DMD: variants seen among roughly 807,000 people sequenced by gnomAD.
The protein encoded by DMD is dystrophin.
A neutral mutation model predicts 330.1 loss-of-function variants in DMD; 63 were observed. The observed-to-expected ratio is 0.19, with a 90% CI of 0.16 to 0.24. DMD has a LOEUF of 0.24. Among genes scored for constraint, DMD ranks in the 10% least tolerant of loss-of-function variants. The pLI is 1.00. For synonymous variants in DMD, 1,223 were observed against 959.8 expected, an observed-to-expected ratio of 1.27 and a Z score of -5.07; for missense variants, 3,344 against 2,684.1, an observed-to-expected ratio of 1.25 and a Z score of -5.43.
chrX:32,286,439 CT>C (rs2097441697), intron 43 of DMD, among the ~76,000 whole-genome samples: 1 of 111,798 alleles, frequency 8.9e-6, no homozygotes, highest in Non-Finnish European at 1.9e-5. Flanking sequence ...GTACAAAACA[CT>C]TGGGCATCTG....
chrX:32,404,871 A>G (rs1418134070), intron 30 of DMD, among the ~76,000 whole-genome samples: 1 of 111,579 alleles, frequency 9.0e-6, no homozygotes, highest in Non-Finnish European at 1.9e-5. Flanking sequence ...TCAGCCTCAA[A>G]CATCTATATT....
At chrX:32,860,758 C>G (rs773224602) in intron 2 of DMD, among the ~76,000 whole-genome samples, 4 of 110,698 alleles carry the variant, frequency 3.6e-5, no homozygotes, top group Non-Finnish European at 7.6e-5. Flanking sequence ...AGAATATGAT[C>G]AACACCCTAG....
intron 60 of DMD, among the ~76,000 whole-genome samples, chrX:31,392,353 T>C (rs1475081285): frequency 2.7e-5 from 3 of 112,824 alleles, no homozygotes; most frequent in Non-Finnish European, 5.6e-5. Flanking sequence ...GGGTATATCT[T>C]TCTCTTAAAT....
intron 63 of DMD, among the ~76,000 whole-genome samples, chrX:31,248,702 T>C (rs887253971): frequency 1.8e-5 from 2 of 111,940 alleles, no homozygotes; most frequent in African/African-American, 3.3e-5. Flanking sequence ...CCCTTACCAA[T>C]TGGCTTCCAA....
At chrX:32,831,596 G>A (rs2079149950) in intron 4 of DMD, among the ~76,000 whole-genome samples, 1 of 109,379 alleles carries the variant, frequency 9.1e-6, no homozygotes, top group African/African-American at 3.3e-5. Context: ...GAAGGAGAGA[G>A]AGAAGGGAAA....
rs561311030 is a variant in DMD, at chrX:31,158,478, A to G, written c.10554-10960T>C. Among the ~76,000 whole-genome samples the G allele has an allele frequency of 2.7e-5, 3 of 111,604 alleles. No homozygotes were observed. The South Asian group carries it at 1.1e-3, about 42-fold the overall frequency. ...GTAGTTGCAGGAGAAACGAGGAGTG[A>G]CTTGAAAATGGGGATGGGATTTCTT... On this transcript the variant is annotated intron_variant, in intron 74 of 78. Coordinates refer to ENST00000357033, the MANE Select transcript of DMD (RefSeq NM_004006.3).
chrX:31,693,651 T>C (rs1938815285), intron 52 of DMD, among the ~76,000 whole-genome samples: 1 of 111,214 alleles, frequency 9.0e-6, no homozygotes, highest in Non-Finnish European at 1.9e-5. Flanking sequence ...ACAAACTGTC[T>C]AAAATAGAAA....
chrX:32,540,478 G>T (rs1202948227), intron 17 of DMD, among the ~76,000 whole-genome samples: 1 of 111,399 alleles, frequency 9.0e-6, no homozygotes, highest in African/African-American at 3.3e-5. Flanking sequence ...GGGTAAAATT[G>T]GAATTATTAA....
At chrX:31,921,036 T>C (rs2094683291) in intron 47 of DMD, among the ~76,000 whole-genome samples, 1 of 111,851 alleles carries the variant, frequency 8.9e-6, no homozygotes, top group South Asian at 3.7e-4. Context: ...ATTATCTAGC[T>C]TCAGTGTAAC....
intron 4 of DMD, among the ~76,000 whole-genome samples, chrX:32,835,406 G>T (rs769320876): frequency 8.9e-6 from 1 of 112,466 alleles, no homozygotes; most frequent in African/African-American, 3.2e-5. Context: ...CATTTCTCAG[G>T]ATTTTGTATT....
chrX:32,686,375 T>C (rs1249130904), intron 9 of DMD, among the ~76,000 whole-genome samples: 1 of 109,021 alleles, frequency 9.2e-6, no homozygotes, highest in Admixed American at 9.9e-5. Context: ...CTGGCCAAAA[T>C]GGGGAAACCT....
intron 76 of DMD, among the ~76,000 whole-genome samples, chrX:31,145,685 C>G (rs1289012835): frequency 4.7e-5 from 4 of 85,435 alleles, no homozygotes; most frequent in Non-Finnish European, 8.2e-5. Context: ...TTTTTTGAGA[C>G]ACAGTCTTGC....
chrX:32,781,446 A>G (rs976247689), intron 7 of DMD, among the ~76,000 whole-genome samples: 1 of 112,304 alleles, frequency 8.9e-6, no homozygotes, highest in African/African-American at 3.2e-5. Context: ...AAAATCAACG[A>G]AACATTTGAA....
intron 41 of DMD, among the ~76,000 whole-genome samples, chrX:32,316,348 A>G (rs988437270): frequency 8.9e-6 from 1 of 112,239 alleles, no homozygotes; most frequent in Non-Finnish European, 1.9e-5. Context: ...ATAAAGATAA[A>G]TTAGAATACC....
At chrX:32,795,333 T>G (rs2076105883) in intron 7 of DMD, among the ~76,000 whole-genome samples, 1 of 112,133 alleles carries the variant, frequency 8.9e-6, no homozygotes, top group South Asian at 3.7e-4. Context: ...ACATACAACT[T>G]GTTTTTGACA....
chrX:32,395,312 C>T (rs1330737088), intron 30 of DMD, among the ~76,000 whole-genome samples: 1 of 111,263 alleles, frequency 9.0e-6, no homozygotes, highest in Non-Finnish European at 1.9e-5. Flanking sequence ...TGCCCCTATA[C>T]TTACAGAAGC....
intron 44 of DMD, among the ~76,000 whole-genome samples, chrX:32,006,769 G>C (rs1267075498): frequency 9.1e-6 from 1 of 109,920 alleles, no homozygotes; most frequent in Non-Finnish European, 1.9e-5. Context: ...CCAAAGACTG[G>C]TGTCCTTTTG....
At chrX:33,058,740 C>A (rs1178448493) in intron 1 of DMD, among the ~76,000 whole-genome samples, 1 of 111,340 alleles carries the variant, frequency 9.0e-6, no homozygotes, top group Non-Finnish European at 1.9e-5. Context: ...GCTGAGGCAC[C>A]AATTCTCCCC....
At chrX:32,690,358 C>T (rs113593507) in intron 9 of DMD, among the ~76,000 whole-genome samples, 4,483 of 110,970 alleles carry the variant, frequency 0.04, 220 homozygotes, top group African/African-American at 0.14. Flanking sequence ...TTAAAGATGA[C>T]AAAATCAAAT....
Sources: allele counts gnomAD v4.1 joint callset (sites outside exome capture counted in the v4.1 genomes callset), GRCh38; gene constraint gnomAD v4.1.1; transcripts MANE v1.5; gene names NCBI Gene and HGNC (gene_info 2026-07-23, HGNC 2026-07-21).